The following MKI67 variants were observed in gnomAD, a reference collection of about 807,000 sequenced individuals.
MKI67 encodes the protein proliferation marker protein Ki-67.
A neutral mutation model predicts 233.5 loss-of-function variants in MKI67; 152 were observed. That is an observed-to-expected ratio of 0.65 (90% CI 0.57 to 0.74). The LOEUF is 0.74. Ranked by LOEUF, MKI67 falls within the 30% of genes least tolerant of loss-of-function variation. MKI67 has a pLI of 0.00. For synonymous variants in MKI67, 1,465 were observed against 1,418.5 expected (o/e 1.03, Z -0.74); for missense variants, 3,940 against 3,885.2 (o/e 1.01, Z -0.37).
chr10:128,115,547 C>T lies in MKI67; in HGVS notation c.861G>A (p.Leu287=). The T allele has an allele frequency of 6.2e-7, 1 of 1,614,218 alleles. No individual in the cohort carries two copies. The highest frequency in any genetic ancestry group is 8.5e-7 in the Non-Finnish European group (1 of 1,180,052). ...ATTTTGGTCTTGACTTACGCGAGACCAACAGTTGGGTCTCCCCCTGTAAAC... is the reference window on the plus strand; with the variant it reads ...ATTTTGGTCTTGACTTACGCGAGACTAACAGTTGGGTCTCCCCCTGTAAAC... The part of the protein sequence containing the change: ...ADGLQGETQL[L]VSRKSRPKSG... Residue 287 remains leucine, a synonymous_variant, in exon 7 of 15, where the codon TTG becomes TTA. Transcript: ENST00000368654.
In MKI67 at chr10:128,109,279, A is replaced by C. The variant is rs1251645160; in HGVS notation, c.2561T>G (p.Leu854Arg). The change falls in exon 13 of 15, where the codon CTG becomes CGG. Residue 854 changes from leucine to arginine, a missense_variant. Coordinates refer to ENST00000368654, the MANE Select transcript of MKI67 (RefSeq NM_002417.5). ...CTCAGTATCTGAAGTTTTTGTCTCC[A>C]GAGAAGTCATTTTGTAGGTGTTCCT... ...TPRNTYKMTS[L>R]ETKTSDTETE... 1 of 1,614,150 alleles carries C rather than the reference A, an allele frequency of 6.2e-7. No individual in the cohort carries two copies. The highest frequency in any genetic ancestry group is 8.5e-7 in the Non-Finnish European group (1 of 1,180,032).
chr10:128,104,587 G>C lies in MKI67; in HGVS notation c.7253C>G (p.Pro2418Arg). The C allele has an allele frequency of 1.2e-6, 2 of 1,614,082 alleles. No homozygotes were observed. The highest frequency in any genetic ancestry group is 1.7e-6 in the Non-Finnish European group (2 of 1,180,004). ...AGTCTGTGGCTGTCTCTTGCTGCCA[G>C]GTAAATTTCCTAGCAGGTCCAGTTT... Reference protein sequence around the residue: ...VQKLDLLGNLPGSKRQPQTPK... With the variant: ...VQKLDLLGNLRGSKRQPQTPK... The change falls in exon 13 of 15, where the codon CCT (proline) becomes CGT (arginine). Residue 2418 changes from proline to arginine, a missense_variant. Coordinates refer to ENST00000368654, the MANE Select transcript of MKI67 (RefSeq NM_002417.5).
chr10:128,104,723 A>G lies in MKI67; in HGVS notation c.7117T>C (p.Phe2373Leu). ...NLRKADVEEE[F>L]LALRKRTPSA... ...GGTGTTCGTTTCCTGAGTGCTAAAAATTCTTCCTCTACGTCTGCTTTCCTG... is the reference window on the plus strand; with the variant it reads ...GGTGTTCGTTTCCTGAGTGCTAAAAGTTCTTCCTCTACGTCTGCTTTCCTG... Residue 2373 changes from phenylalanine to leucine, a missense_variant, in exon 13 of 15, where the codon TTT becomes CTT. By Grantham distance (22) the Phe-to-Leu change is conservative. Coordinates refer to ENST00000368654, the MANE Select transcript of MKI67 (RefSeq NM_002417.5). 1 of 1,613,696 alleles carries G rather than the reference A, an allele frequency of 6.2e-7. No individual in the cohort carries two copies. Among genetic ancestry groups the G allele is most frequent in the South Asian group, 1.1e-5 (1 of 91,052 alleles).
rs1263609077 is a variant in MKI67 at position 128,102,671 on chromosome 10, T to C, written c.9169A>G (p.Lys3057Glu). Residue 3057 changes from lysine (K) to glutamate (E), a missense_variant, in exon 13 of 15, where the codon AAA (lysine) becomes GAA (glutamate). Physicochemically the swap from Lys to Glu is moderately conservative, Grantham distance 56. Transcript: ENST00000368654. The stretch of plus-strand genomic sequence containing the variant: ...AGCTCTTCCGCAGGTTCAATTCTTT[T>C]TGCAGAAGTCCTCAAACTTCTCTTC... ...IMKRSLRTSA[K>E]RIEPAEELNS... 2 of 1,614,246 alleles carry C rather than the reference T, an allele frequency of 1.2e-6. No individual in the cohort carries two copies. The highest frequency in any genetic ancestry group is 1.7e-6 in the Non-Finnish European group (2 of 1,180,046).
rs534835219 is a variant in MKI67, at chr10:128,106,254, C to A, written c.5586G>T (p.Pro1862=). The A allele has an allele frequency of 3.8e-5, 61 of 1,610,488 alleles. 1 individual carries two copies. In the East Asian group the frequency reaches 1.3e-3, roughly 34 times the overall value. Residue 1862 remains proline (P), a synonymous_variant, in exon 13 of 15, where the codon CCG becomes CCT. Coordinates refer to ENST00000368654, the MANE Select transcript of MKI67 (RefSeq NM_002417.5). ...KTTKKILCKS[P]QSDPADTPTN... ...TTGGGGTGTCCGCTGGGTCTGATTG[C>A]GGAGATTTGCAGAGTATTTTTTTGG...
chr10:128,123,101 T>C lies in MKI67; in HGVS notation c.161A>G (p.His54Arg). 6.2e-7 allele frequency: 1 copy of C among 1,613,758 alleles called. No homozygotes were observed. The highest frequency in any genetic ancestry group is 8.5e-7 in the Non-Finnish European group (1 of 1,179,704). The change falls in exon 3 of 15, where the codon CAT becomes CGT. Residue 54 changes from histidine to arginine, a missense_variant. Coordinates refer to ENST00000368654, the MANE Select transcript of MKI67 (RefSeq NM_002417.5). ...VSKQHCKIEI[H>R]EQEAILHNFS... ...AAAAAACCCACTCACCTCCTGCTCA[T>C]GGATTTCAATTTTGCAATGTTGTTT... is the stretch of plus-strand genomic sequence containing the variant.
Position 128,110,469 on chromosome 10 carries a change from G to A in MKI67, c.2325C>T (p.Ile775=), listed in dbSNP as rs778094206. ...EQPQLTSTCH[I]AISNSENLLG... ...GCAAATTCTCTGAATTTGAAATAGC[G>A]ATGTGACATGTGCTTGTCAACTGCG... The change falls in exon 12 of 15, where the codon ATC becomes ATT. Residue 775 remains isoleucine, a synonymous_variant. Coordinates refer to ENST00000368654, the MANE Select transcript of MKI67 (RefSeq NM_002417.5). 10 of 1,587,052 alleles carry A rather than the reference G, an allele frequency of 6.3e-6. No homozygotes were observed. The highest frequency in any genetic ancestry group is 4.5e-5 in the South Asian group (4 of 88,828).
Position 128,109,292 on chromosome 10 carries a change from TG to T in MKI67, c.2547del (p.Tyr849Ter). 6.2e-7 allele frequency: 1 copy of T among 1,614,190 alleles called. No individual in the cohort carries two copies. The highest frequency in any genetic ancestry group is 8.5e-7 in the Non-Finnish European group (1 of 1,180,052). ...GNVAKTPRNT[Y>X]KMTSLETKTS... is the part of the protein sequence containing the mutation. ...GTTTTTGTCTCCAGAGAAGTCATTT[TG>T]TAGGTGTTCCTGGGCGTTTTTGCTA... On this transcript the variant is annotated frameshift_variant, in exon 13 of 15. Transcript: ENST00000368654. LOFTEE classifies it high-confidence loss of function.
rs201443468 is a variant in MKI67, at chr10:128,115,478, T to C, written c.930A>G (p.Glu310=). 6.2e-7 allele frequency: 1 copy of C among 1,614,010 alleles called. No individual in the cohort carries two copies. Among genetic ancestry groups the C allele is most frequent in the Non-Finnish European group, 8.5e-7 (1 of 1,179,980 alleles). The part of the protein sequence containing the change: ...GHAVAEPASP[E]QELDQNKGKG... ...TCCCCTTGTTCTGGTCAAGCTCTTG[T>C]TCAGGTGAAGCAGGCTCTGCCACAG... Residue 310 remains glutamate (E), a synonymous_variant, in exon 7 of 15, where the codon GAA becomes GAG. Transcript: ENST00000368654.
intron 2 of MKI67, among the ~76,000 whole-genome samples, chr10:128,124,482 A>G (rs1853015208): frequency 6.6e-6 from 1 of 152,176 alleles, no homozygotes; most frequent in Admixed American, 6.5e-5. Flanking sequence ...GAATCCTGGA[A>G]GGTTAGATGA....
rs1444866044 is a variant in MKI67 at position 128,107,692 on chromosome 10, G to A, written c.4148C>T (p.Thr1383Ile). The A allele has an allele frequency of 6.2e-7, 1 of 1,613,844 alleles. No homozygotes were observed. The highest frequency in any genetic ancestry group is 1.1e-5 in the South Asian group (1 of 91,078). Residue 1383 changes from threonine to isoleucine, a missense_variant, in exon 13 of 15, where the codon ACC becomes ATC. By Grantham distance (89) the Thr-to-Ile change is moderately conservative. Transcript: ENST00000368654. Reference protein sequence around the residue: ...CESSPPESADTPTSTRRQPKT... With the variant: ...CESSPPESADIPTSTRRQPKT... ...GGGCTGCCTTCTTGTGCTTGTTGGG[G>A]TGTCTGCTGATTCTGGTGGAGAAGA... is the stretch of plus-strand genomic sequence containing the variant.
At position 128,107,397 on chromosome 10, in the gene MKI67, G is replaced by A. The variant is rs1852530953; in HGVS notation, c.4443C>T (p.Asp1481=). The A allele has an allele frequency of 6.2e-7, 1 of 1,610,978 alleles. No individual in the cohort carries two copies. The highest frequency in any genetic ancestry group is 8.5e-7 in the Non-Finnish European group (1 of 1,179,202). ...TAGTTTTCTCGTGAGTCGTGGGCTT[G>A]TCAGTGCATACTGGTGTCTGGAAGA... ...KELFQTPVCT[D]KPTTHEKTTK... is the part of the protein sequence containing the mutation. The change falls in exon 13 of 15, where the codon GAC becomes GAT. Residue 1481 remains aspartate, a synonymous_variant. Coordinates refer to ENST00000368654, the MANE Select transcript of MKI67 (RefSeq NM_002417.5).
chr10:128,126,068 A>G (rs1188322433), intron 1 of MKI67, 31 bp downstream of exon 1: 1 of 239,248 alleles, frequency 4.2e-6, no homozygotes, highest in Non-Finnish European at 8.2e-6. Flanking sequence ...TCGACCCCGG[A>G]CAGCTCCCAG....
chr10:128,103,758 T>C lies in MKI67; in HGVS notation c.8082A>G (p.Glu2694=). The change falls in exon 13 of 15, where the codon GAA becomes GAG. Residue 2694 remains glutamate, a synonymous_variant. Transcript: ENST00000368654. The stretch of plus-strand genomic sequence containing the variant: ...TAGTGGCTTTGCCAGCAGTCAGTGA[T>C]TCCTGAGTGTGACCTGATGTTTCAG... ...ELSETSGHTQ[E]SLTAGKATKI... is the part of the protein sequence containing the mutation. 2 of 1,613,708 alleles carry C rather than the reference T, an allele frequency of 1.2e-6. No homozygotes were observed. Among genetic ancestry groups the C allele is most frequent in the African/African-American group, 1.3e-5 (1 of 74,866 alleles).
At position 128,097,219 on chromosome 10, in the gene MKI67, G is replaced by T. The variant is rs12248905; in HGVS notation, c.*1971C>A. ...TTACCATACCATGGTGGAAATGGGT[G>T]GGTATTTGTTCTCAAATCCAGTCAG... On this transcript the variant is annotated 3_prime_UTR_variant, in exon 15 of 15. Coordinates refer to ENST00000368654, the MANE Select transcript of MKI67 (RefSeq NM_002417.5). The T allele has an allele frequency of 0.089, 13,543 of 152,186 alleles. 665 individuals carry two copies. Among genetic ancestry groups the T allele is most frequent in the East Asian group, 0.14 (741 of 5,158 alleles). 9.4% of individuals were successfully genotyped at this position (152,186 alleles called of 1,614,324 possible).
chr10:128,113,963 C>T (rs980418934), intron 7 of MKI67, among the ~76,000 whole-genome samples: 6 of 152,172 alleles, frequency 3.9e-5, no homozygotes, highest in African/African-American at 1.4e-4. Flanking sequence ...CAGCCTGAGC[C>T]ACCCAGTGAC....
In MKI67 at chr10:128,098,319, C is replaced by T. The variant is rs913023930; in HGVS notation, c.*871G>A. The T allele has an allele frequency of 6.6e-6, 1 of 152,204 alleles. No individual in the cohort carries two copies. The highest frequency in any genetic ancestry group is 2.4e-5 in the African/African-American group (1 of 41,424). 9.4% of individuals were successfully genotyped at this position (152,204 alleles called of 1,614,324 possible). On this transcript the variant is annotated 3_prime_UTR_variant, in exon 15 of 15. Transcript: ENST00000368654. ...GATGCTTTACAGAGTACTGGTGTCA[C>T]TTCCTGTACTGGGTGGCATCGGGCT...
chr10:128,113,538 T>C lies in MKI67; in HGVS notation c.1545A>G (p.Glu515=). The part of the protein sequence containing the change: ...RVSFGGHLRP[E]LFDENLPPNT... ...TAGGAGGCAAGTTTTCATCAAATAGTTCAGGTCTTAGGTGCCCACCAAAGG... is the reference window on the plus strand; with the variant it reads ...TAGGAGGCAAGTTTTCATCAAATAGCTCAGGTCTTAGGTGCCCACCAAAGG... Residue 515 remains glutamate, a synonymous_variant, in exon 8 of 15, where the codon GAA becomes GAG. Transcript: ENST00000368654. 1 of 1,614,172 alleles carries C rather than the reference T, an allele frequency of 6.2e-7. No individual in the cohort carries two copies. Among genetic ancestry groups the C allele is most frequent in the Non-Finnish European group, 8.5e-7 (1 of 1,180,018 alleles).
intron 11 of MKI67, 132 bp downstream of exon 11, chr10:128,111,513 C>T: frequency 1.2e-6 from 1 of 860,952 alleles, no homozygotes; most frequent in Non-Finnish European, 1.7e-6. Flanking sequence ...CACTAAGACC[C>T]CAGAAGGGTG....
Sources: gnomAD v4.1 joint callset for allele counts (sites outside exome capture counted in the v4.1 genomes callset) on GRCh38, gnomAD v4.1.1 for gene constraint, MANE v1.5 for transcripts, NCBI Gene and HGNC (gene_info 2026-07-23, HGNC 2026-07-21) for gene names.